The following SNPH variants were observed in gnomAD, a reference collection of about 807,000 sequenced individuals.
SNPH encodes syntaphilin.
In SNPH, 10 loss-of-function variants were observed where a neutral mutation model predicts 36.8. That is an observed-to-expected ratio of 0.27 (90% CI 0.17 to 0.46). SNPH has a LOEUF of 0.46. Among genes scored for constraint, SNPH ranks in the 20% least tolerant of loss-of-function variants. The pLI, the probability that SNPH is intolerant of heterozygous loss-of-function variation, is 1.00. For synonymous variants in SNPH, 281 were observed against 312.2 expected, an observed-to-expected ratio of 0.90 and a Z score of 1.05; for missense variants, 622 against 744.0, an observed-to-expected ratio of 0.84 and a Z score of 1.91.
rs2122451249 is a variant in SNPH at position 1,304,369 on chromosome 20, G to A, written c.441-509G>A. Reference sequence around the variant, plus strand: ...GTCATTTCTCTCCCCTGGGGTCTCTGGCCAAATATTCCTCCACTGAAACTT... The same window carrying A: ...GTCATTTCTCTCCCCTGGGGTCTCTAGCCAAATATTCCTCCACTGAAACTT... On this transcript the variant is annotated intron_variant, in intron 6 of 6. Transcript: ENST00000381867. This position sits in a 1 kb window ranked among gnomAD's most constrained non-coding sequence, Gnocchi z 4.3. Among the ~76,000 whole-genome samples, 1 of 152,240 alleles carries A rather than the reference G, an allele frequency of 6.6e-6. No individual in the cohort carries two copies. Among genetic ancestry groups the A allele is most frequent in the East Asian group, 1.9e-4 (1 of 5,190 alleles).
intron 2 of SNPH, among the ~76,000 whole-genome samples, chr20:1,267,856 C>A (rs6109207): frequency 0.35 from 53,537 of 152,050 alleles, 9,864 homozygotes; most frequent in Non-Finnish European, 0.4. Flanking sequence ...AGTGACTTCC[C>A]TTCCCCCAGC....
intron 2 of SNPH, among the ~76,000 whole-genome samples, chr20:1,274,297 A>C (rs2088106360): frequency 6.6e-6 from 1 of 151,992 alleles, no homozygotes; most frequent in Non-Finnish European, 1.5e-5. Flanking sequence ...ATACCAGACC[A>C]GTCCTTGCAA....
chr20:1,305,161 G>A lies in SNPH; in HGVS notation c.724G>A (p.Gly242Arg), dbSNP rs760060824. The change falls in exon 7 of 7, where the codon GGG becomes AGG. Residue 242 changes from glycine to arginine, a missense_variant. Physicochemically the swap from Gly to Arg is moderately radical, Grantham distance 125. Transcript: ENST00000381867. ...QNGMAKEDGTGESAGGSPARS... is the reference protein window; with the variant it reads ...QNGMAKEDGTRESAGGSPARS... ...TGGCATGGCCAAGGAGGATGGCACT[G>A]GGGAGTCAGCCGGTGGGTCCCCTGC... The A allele has an allele frequency of 6.2e-7, 1 of 1,613,182 alleles. No homozygotes were observed. Among genetic ancestry groups the A allele is most frequent in the Non-Finnish European group, 8.5e-7 (1 of 1,179,922 alleles).
chr20:1,297,320 G>A, intron 5 of SNPH, 68 bp downstream of exon 5: 1 of 1,500,788 alleles, frequency 6.7e-7, no homozygotes, highest in East Asian at 2.4e-5. Flanking sequence ...GGTGGGAGAG[G>A]TAAGGGAGCA....
chr20:1,279,615 C>CTTTTTT (rs1259483361), intron 2 of SNPH, among the ~76,000 whole-genome samples: 29 of 111,664 alleles, frequency 2.6e-4, no homozygotes, highest in African/African-American at 8.5e-4. Context: ...GAGACTCCGG[C>CTTTTTT]TTCTTTTTTT....
At chr20:1,299,133 C>T (rs2088475620) in intron 5 of SNPH, among the ~76,000 whole-genome samples, 1 of 152,074 alleles carries the variant, frequency 6.6e-6, no homozygotes, top group Non-Finnish European at 1.5e-5. Flanking sequence ...AACCACTTCT[C>T]ATTCCACTTC....
At chr20:1,284,265 TC>T (rs1223499261) in intron 2 of SNPH, among the ~76,000 whole-genome samples, 2 of 151,934 alleles carry the variant, frequency 1.3e-5, no homozygotes, top group South Asian at 2.1e-4. Context: ...AAAGCTTTCT[TC>T]CCCCCCTTTT....
At position 1,307,041 on chromosome 20, in the gene SNPH, G is replaced by A. The variant is rs901070994; in HGVS notation, c.*987G>A. On this transcript the variant is annotated 3_prime_UTR_variant, in exon 7 of 7. Transcript: ENST00000381867. The stretch of plus-strand genomic sequence containing the variant: ...ATGACTGCCCCCAGAAACTTGCCCC[G>A]AGTTTCTCTGGGGCCCTCGGGCCCA... 2.0e-5 allele frequency: 3 copies of A among 152,784 alleles called. No homozygotes were observed. The highest frequency in any genetic ancestry group is 4.8e-5 in the African/African-American group (2 of 41,588). The allele number at this position is 152,784 out of a possible 1,614,324, so 9.5% of individuals were successfully genotyped here. A position where few individuals can be genotyped will look rare whatever the true frequency, so the allele number is the denominator to read the frequency against.
In SNPH at chr20:1,296,438, C is replaced by G. The variant is rs1363181151; in HGVS notation, c.182+17C>G. On this transcript the variant is annotated intron_variant, in intron 4 of 6. Coordinates refer to ENST00000381867, the MANE Select transcript of SNPH (RefSeq NM_001318234.2). ...ATCACGCAGGTGAGTCTCCCCCTCGCTCACAGCCTAGGCTTCGGAGGGCGG... is the reference window on the plus strand; with the variant it reads ...ATCACGCAGGTGAGTCTCCCCCTCGGTCACAGCCTAGGCTTCGGAGGGCGG... 2 of 1,584,812 alleles carry G rather than the reference C, an allele frequency of 1.3e-6. No homozygotes were observed. Among genetic ancestry groups the G allele is most frequent in the Non-Finnish European group, 8.6e-7 (1 of 1,168,362 alleles).
At position 1,266,988 on chromosome 20, in the gene SNPH, A is replaced by G. The variant is rs750317844; in HGVS notation, c.-493+228A>G. 2.8e-4 allele frequency among the ~76,000 whole-genome samples: 43 copies of G among 152,226 alleles called. No homozygotes were observed. Among genetic ancestry groups the G allele is most frequent in the Admixed American group, 8.5e-4 (13 of 15,300 alleles). Reference sequence around the variant, plus strand: ...TTAGAGGGTGCTGATTGCAGCAGAGAAGATGCCCAAAGTGGGTGATTAGGA... The same window carrying G: ...TTAGAGGGTGCTGATTGCAGCAGAGGAGATGCCCAAAGTGGGTGATTAGGA... On this transcript the variant is annotated intron_variant, in intron 2 of 6. Coordinates refer to ENST00000381867, the MANE Select transcript of SNPH (RefSeq NM_001318234.2). This position sits in a 1 kb window ranked among gnomAD's most constrained non-coding sequence, Gnocchi z 6.0.
chr20:1,308,838 C>T lies in SNPH; in HGVS notation c.*2784C>T, dbSNP rs542581074. On this transcript the variant is annotated 3_prime_UTR_variant, in exon 7 of 7. Coordinates refer to ENST00000381867, the MANE Select transcript of SNPH (RefSeq NM_001318234.2). Reference sequence around the variant, plus strand: ...CACCTTCTGGAGCCTAGCGGCCAGACGTGGCTTCTCCTGAGTTCTAGGGCT... The same window carrying T: ...CACCTTCTGGAGCCTAGCGGCCAGATGTGGCTTCTCCTGAGTTCTAGGGCT... The T allele has an allele frequency of 7.9e-5, 12 of 152,276 alleles. No homozygotes were observed. Among genetic ancestry groups the T allele is most frequent in the Admixed American group, 3.9e-4 (6 of 15,286 alleles). The allele number at this position is 152,276 out of a possible 1,614,324, so 9.4% of individuals were successfully genotyped here.
intron 2 of SNPH, among the ~76,000 whole-genome samples, chr20:1,279,612 C>T (rs75111416): frequency 0.07 from 8,881 of 127,678 alleles, 366 homozygotes; most frequent in South Asian, 0.11. Flanking sequence ...TGAGAGACTC[C>T]GGCTTCTTTT....
intron 6 of SNPH, among the ~76,000 whole-genome samples, chr20:1,301,242 G>A (rs1053263560): frequency 1.3e-5 from 2 of 152,160 alleles, no homozygotes; most frequent in African/African-American, 4.8e-5. Flanking sequence ...CTCCTCCCCA[G>A]CCCAGGTGTC....
rs927175203 is a variant in SNPH, at chr20:1,266,999, A to T, written c.-493+239A>T. On this transcript the variant is annotated intron_variant, in intron 2 of 6. Coordinates refer to ENST00000381867, the MANE Select transcript of SNPH (RefSeq NM_001318234.2). This position sits in a 1 kb window ranked among gnomAD's most constrained non-coding sequence, Gnocchi z 6.0. ...TGATTGCAGCAGAGAAGATGCCCAA[A>T]GTGGGTGATTAGGAGGCTTTTAGGG... Among the ~76,000 whole-genome samples, 5 of 152,150 alleles carry T rather than the reference A, an allele frequency of 3.3e-5. No individual in the cohort carries two copies. Among genetic ancestry groups the T allele is most frequent in the African/African-American group, 1.2e-4 (5 of 41,442 alleles).
chr20:1,272,303 T>C (rs2088082303), intron 2 of SNPH, among the ~76,000 whole-genome samples: 2 of 152,176 alleles, frequency 1.3e-5, no homozygotes, highest in South Asian at 4.1e-4. Context: ...TCTCCTAAGG[T>C]CATTAGGAAG....
At chr20:1,298,805 TG>T (rs1318088798) in intron 5 of SNPH, among the ~76,000 whole-genome samples, 6 of 720 alleles carry the variant, frequency 8.3e-3, no homozygotes, top group Non-Finnish European at 0.033. Flanking sequence ...TTTTCTAATT[TG>T]TGTGTGTGTG....
At chr20:1,299,850 G>A (rs1412845817) in intron 5 of SNPH, among the ~76,000 whole-genome samples, 5 of 152,244 alleles carry the variant, frequency 3.3e-5, no homozygotes, top group Non-Finnish European at 7.3e-5. Context: ...CCCAGGAAGT[G>A]TGCGTGCATG....
chr20:1,273,622 A>C (rs1165568714), intron 2 of SNPH, among the ~76,000 whole-genome samples: 2 of 152,130 alleles, frequency 1.3e-5, no homozygotes, highest in Non-Finnish European at 2.9e-5. Flanking sequence ...TCTGAGTATG[A>C]GGTGCTAGCC....
At chr20:1,302,619 G>A (rs905492237) in intron 6 of SNPH, among the ~76,000 whole-genome samples, 3 of 152,028 alleles carry the variant, frequency 2.0e-5, no homozygotes, top group Admixed American at 6.6e-5. Flanking sequence ...ATTCCCATTA[G>A]CAATCACCGC....
Sources: gnomAD v4.1 joint callset for allele counts (sites outside exome capture counted in the v4.1 genomes callset) on GRCh38, gnomAD v4.1.1 for gene constraint, Gnocchi (gnomAD v3.1) non-coding constraint, MANE v1.5 for transcripts, NCBI Gene and HGNC (gene_info 2026-07-23, HGNC 2026-07-21) for gene names.